TENT4B: variants seen among roughly 807,000 people sequenced by gnomAD.
TENT4B encodes the protein PAP associated domain containing 5.
Under a neutral mutation model 75.0 loss-of-function variants are expected in TENT4B, and 10 were observed. The ratio of observed to expected loss-of-function variants is 0.13; its 90% confidence interval spans 0.08 to 0.23. The LOEUF is 0.23. Ranked by LOEUF, TENT4B falls within the 10% of genes least tolerant of loss-of-function variation. The pLI is 1.00. For synonymous variants in TENT4B, 350 were observed against 357.7 expected (o/e 0.98, Z 0.24); for missense variants, 579 against 893.8 (o/e 0.65, Z 4.49).
intron 2 of TENT4B, among the ~76,000 whole-genome samples, chr16:50,213,978 C>G (rs2031419972): frequency 6.6e-6 from 1 of 152,088 alleles, no homozygotes; most frequent in East Asian, 1.9e-4. Context: ...TACCAAGGGA[C>G]AACTGTATTT....
At chr16:50,205,971 C>T (rs1233029202) in intron 1 of TENT4B, among the ~76,000 whole-genome samples, 3 of 152,106 alleles carry the variant, frequency 2.0e-5, no homozygotes, top group Non-Finnish European at 4.4e-5. Context: ...ACATATTTGA[C>T]ATCTTTATCA....
At chr16:50,182,558 T>A (rs939519655) in intron 1 of TENT4B, among the ~76,000 whole-genome samples, 1 of 152,178 alleles carries the variant, frequency 6.6e-6, no homozygotes, top group Non-Finnish European at 1.5e-5. Flanking sequence ...TCTCCTAGTT[T>A]ACATTTTACA....
At chr16:50,211,781 A>T (rs568280816) in intron 2 of TENT4B, among the ~76,000 whole-genome samples, 1 of 152,334 alleles carries the variant, frequency 6.6e-6, no homozygotes, top group South Asian at 2.1e-4. Flanking sequence ...GATATGATAT[A>T]TCAAAACCTC....
Position 50,229,779 on chromosome 16 carries a change from A to C in TENT4B, c.*451A>C, listed in dbSNP as rs2032215987. ...TTCCAAAGGGGAAAGTGATCTGTGC[A>C]TGTTTTTTTTTTAAATATTTTTGCA... On this transcript the variant is annotated 3_prime_UTR_variant, in exon 12 of 12. Transcript: ENST00000561678. The C allele has an allele frequency of 1.0e-6, 1 of 978,328 alleles. No homozygotes were observed. The highest frequency in any genetic ancestry group is 4.7e-5 in the South Asian group (1 of 21,152). The allele number at this position is 978,328 out of a possible 1,614,324, so 60.6% of individuals were successfully genotyped here.
intron 1 of TENT4B, among the ~76,000 whole-genome samples, chr16:50,191,706 G>A (rs2038642657): frequency 6.6e-6 from 1 of 152,096 alleles, no homozygotes; most frequent in South Asian, 2.1e-4. Flanking sequence ...GATCACCTGA[G>A]GTCGCGAGTT....
chr16:50,227,768 G>T, intron 10 of TENT4B, 71 bp from the exon 11 acceptor site: 2 of 1,545,262 alleles, frequency 1.3e-6, no homozygotes, highest in Non-Finnish European at 1.8e-6. Flanking sequence ...AACCAAAATT[G>T]TTTTTCTTTC....
At chr16:50,185,437 A>G (rs1390711137) in intron 1 of TENT4B, among the ~76,000 whole-genome samples, 1 of 152,088 alleles carries the variant, frequency 6.6e-6, no homozygotes, top group African/African-American at 2.4e-5. Context: ...GGCATCTTAG[A>G]TCTGTGAGGA....
intron 2 of TENT4B, 89 bp downstream of exon 2, chr16:50,211,535 C>T (rs1174294712): frequency 7.2e-7 from 1 of 1,384,394 alleles, no homozygotes; most frequent in Admixed American, 3.3e-5. Context: ...CTAGTCCTCA[C>T]ATGCAAGTAG....
chr16:50,165,713 A>T (rs2038087478), intron 1 of TENT4B, among the ~76,000 whole-genome samples: 1 of 152,190 alleles, frequency 6.6e-6, no homozygotes, highest in South Asian at 2.1e-4. Context: ...TCTCAAACTT[A>T]TCTGTTTCCA....
intron 1 of TENT4B, among the ~76,000 whole-genome samples, chr16:50,182,251 C>T: frequency 6.6e-6 from 1 of 151,918 alleles, no homozygotes; most frequent in East Asian, 1.9e-4. Context: ...AGAGTGAAAC[C>T]CTGCCATAAA....
chr16:50,162,547 A>AAAATAG (rs1386680663), intron 1 of TENT4B, among the ~76,000 whole-genome samples: 1 of 152,202 alleles, frequency 6.6e-6, no homozygotes, highest in Admixed American at 6.6e-5. Context: ...TTAATCAATA[A>AAAATAG]AAATAGCCTC....
chr16:50,165,034 A>G (rs969132443), intron 1 of TENT4B, among the ~76,000 whole-genome samples: 1 of 150,446 alleles, frequency 6.6e-6, no homozygotes, highest in African/African-American at 2.4e-5. Flanking sequence ...AGCCTGGGTG[A>G]CAGAGCGAGA....
chr16:50,217,587 C>G lies in TENT4B; in HGVS notation c.962C>G (p.Thr321Ser). Residue 321 changes from threonine (T) to serine (S), a missense_variant, in exon 5 of 12, where the codon ACT becomes AGT. Coordinates refer to ENST00000561678, the MANE Select transcript of TENT4B (RefSeq NM_001365324.3). ...ATTATTAAATTAACAGATTCTTTTA[C>G]TGAAGTGAAAGTTGATATCAGCTTT... ...VPIIKLTDSF[T>S]EVKVDISFNV... 1 of 1,523,056 alleles carries G rather than the reference C, an allele frequency of 6.6e-7. No homozygotes were observed. Among genetic ancestry groups the G allele is most frequent in the Non-Finnish European group, 8.8e-7 (1 of 1,137,012 alleles). 94.3% of individuals were successfully genotyped at this position (1,523,056 alleles called of 1,614,324 possible).
At position 50,234,698 on chromosome 16, in the gene TENT4B, G is replaced by A. The variant is rs909373164; in HGVS notation, c.*5370G>A. 73 of 985,364 alleles carry A rather than the reference G, an allele frequency of 7.4e-5. No individual in the cohort carries two copies. The highest frequency in any genetic ancestry group is 1.1e-4 in the East Asian group (1 of 8,814). The allele number at this position is 985,364 out of a possible 1,614,324, so 61.0% of individuals were successfully genotyped here. On this transcript the variant is annotated 3_prime_UTR_variant, in exon 12 of 12. Coordinates refer to ENST00000561678, the MANE Select transcript of TENT4B (RefSeq NM_001365324.3). ...TAAATCACAAGCTTGTTTGTTAGAC[G>A]TGTCAAGAGTCTCCAGTCTTTACTA...
At chr16:50,170,995 C>T (rs1236737412) in intron 1 of TENT4B, among the ~76,000 whole-genome samples, 1 of 150,282 alleles carries the variant, frequency 6.7e-6, no homozygotes, top group Non-Finnish European at 1.5e-5. Flanking sequence ...CAGGATCTCA[C>T]TTTGTTTCCT....
At chr16:50,158,313 C>A (rs1297132610) in intron 1 of TENT4B, among the ~76,000 whole-genome samples, 1 of 152,108 alleles carries the variant, frequency 6.6e-6, no homozygotes, top group Non-Finnish European at 1.5e-5. Context: ...TTTCGAACTT[C>A]TGACCTCAAG....
chr16:50,220,268 G>A (rs923423958), intron 5 of TENT4B, among the ~76,000 whole-genome samples: 2 of 151,808 alleles, frequency 1.3e-5, no homozygotes, highest in South Asian at 4.2e-4. Context: ...GATTACAGGC[G>A]TGAGCCACTG....
At chr16:50,197,012 C>T (rs926808296) in intron 1 of TENT4B, among the ~76,000 whole-genome samples, 3 of 151,206 alleles carry the variant, frequency 2.0e-5, no homozygotes, top group African/African-American at 7.3e-5. Context: ...GAGGCTAAGT[C>T]AGGAGAGTCA....
Position 50,235,123 on chromosome 16 carries a change from T to A in TENT4B, c.*5795T>A. Reference sequence around the variant, plus strand: ...TCACTGGGCAACCAGTGATGAAAACTATGAATGAATTGCACACCTGGAAGA... The same window carrying A: ...TCACTGGGCAACCAGTGATGAAAACAATGAATGAATTGCACACCTGGAAGA... On this transcript the variant is annotated 3_prime_UTR_variant, in exon 12 of 12. Transcript: ENST00000561678. The A allele has an allele frequency of 1.3e-6, 1 of 767,334 alleles. No individual in the cohort carries two copies. Among genetic ancestry groups the A allele is most frequent in the South Asian group, 5.9e-5 (1 of 16,976 alleles). 47.5% of individuals were successfully genotyped at this position (767,334 alleles called of 1,614,324 possible). A position where few individuals can be genotyped will look rare whatever the true frequency, so the allele number is the denominator to read the frequency against.
Sources: gnomAD v4.1 joint callset for allele counts (sites outside exome capture counted in the v4.1 genomes callset) on GRCh38, gnomAD v4.1.1 for gene constraint, MANE v1.5 for transcripts, NCBI Gene and HGNC (gene_info 2026-07-23, HGNC 2026-07-21) for gene names.